The following NT5DC1 variants were observed in gnomAD, a reference collection of about 807,000 sequenced individuals.
NT5DC1 encodes 5'-nucleotidase domain-containing protein 1.
A neutral mutation model predicts 59.4 loss-of-function variants in NT5DC1; 42 were observed. The ratio of observed to expected loss-of-function variants is 0.71; its 90% CI spans 0.55 to 0.92. The LOEUF is 0.92. NT5DC1 is among the 40% of genes least tolerant of loss of function. The pLI is 0.00. For synonymous variants in NT5DC1, 172 were observed against 188.1 expected (o/e 0.91, Z 0.70); for missense variants, 501 against 537.1 (o/e 0.93, Z 0.66).
chr6:116,128,769 G>A (rs1254050081), intron 6 of NT5DC1, among the ~76,000 whole-genome samples: 1 of 152,078 alleles, frequency 6.6e-6, no homozygotes, highest in Non-Finnish European at 1.5e-5. Flanking sequence ...TTAAAATAGT[G>A]GTGGTTCAAA....
chr6:116,149,997 A>G (rs1047393828), intron 6 of NT5DC1, among the ~76,000 whole-genome samples: 2 of 152,164 alleles, frequency 1.3e-5, no homozygotes, highest in Non-Finnish European at 2.9e-5. Flanking sequence ...TCCCTTTGAC[A>G]TCTGCCCCCC....
At chr6:116,161,720 G>A (rs917248545) in intron 6 of NT5DC1, among the ~76,000 whole-genome samples, 8 of 152,040 alleles carry the variant, frequency 5.3e-5, no homozygotes, top group African/African-American at 1.9e-4. Flanking sequence ...GGCTCTTATG[G>A]GTTCCATATG....
At chr6:116,184,078 A>G (rs1391396547) in intron 6 of NT5DC1, among the ~76,000 whole-genome samples, 2 of 151,998 alleles carry the variant, frequency 1.3e-5, no homozygotes, top group East Asian at 1.9e-4. Context: ...TGTCCCTTCT[A>G]TGGCAGTTTT....
chr6:116,106,969 T>C (rs1778779292), intron 2 of NT5DC1, among the ~76,000 whole-genome samples: 2 of 152,040 alleles, frequency 1.3e-5, no homozygotes, highest in African/African-American at 4.8e-5. Context: ...GGTGGGCAGA[T>C]TGCTTGAGTC....
chr6:116,139,374 C>T (rs558667018), intron 6 of NT5DC1, among the ~76,000 whole-genome samples: 4 of 152,090 alleles, frequency 2.6e-5, no homozygotes, highest in Admixed American at 2.0e-4. Flanking sequence ...TTGAATAATA[C>T]AGTCTAAAGC....
intron 6 of NT5DC1, among the ~76,000 whole-genome samples, chr6:116,177,783 G>A (rs1368322442): frequency 2.6e-5 from 4 of 152,024 alleles, no homozygotes; most frequent in Non-Finnish European, 4.4e-5. Context: ...TTATAACCAC[G>A]TGAAAGGGCA....
chr6:116,120,082 A>AAT, intron 6 of NT5DC1: 1 of 1,613,714 alleles, frequency 6.2e-7, no homozygotes, highest in Non-Finnish European at 8.5e-7. Context: ...CTCACATTGG[A>AAT]GCCACTAGGA....
At chr6:116,225,837 A>G (rs1184404915) in intron 8 of NT5DC1, among the ~76,000 whole-genome samples, 1 of 152,240 alleles carries the variant, frequency 6.6e-6, no homozygotes, top group Non-Finnish European at 1.5e-5. Context: ...TGTGCTGATG[A>G]GAATGATCTG....
At chr6:116,190,377 A>G (rs1349679078) in intron 6 of NT5DC1, among the ~76,000 whole-genome samples, 2 of 152,028 alleles carry the variant, frequency 1.3e-5, no homozygotes, top group Non-Finnish European at 2.9e-5. Context: ...AAAGAGCAAA[A>G]TAAGTTGTTT....
chr6:116,102,881 T>G (rs1192491370), intron 1 of NT5DC1, among the ~76,000 whole-genome samples: 2 of 152,244 alleles, frequency 1.3e-5, no homozygotes, highest in African/African-American at 2.4e-5. Flanking sequence ...TGGGTCTTGC[T>G]TCACGCTGCC....
chr6:116,196,506 A>G (rs1338877840), intron 6 of NT5DC1, among the ~76,000 whole-genome samples: 2 of 152,030 alleles, frequency 1.3e-5, no homozygotes, highest in African/African-American at 4.8e-5. Flanking sequence ...TCTCTTTGCC[A>G]TTTGGTTTTT....
intron 6 of NT5DC1, among the ~76,000 whole-genome samples, chr6:116,130,719 A>G (rs1303699981): frequency 6.6e-6 from 1 of 152,090 alleles, no homozygotes; most frequent in Non-Finnish European, 1.5e-5. Flanking sequence ...ATTCAGGACC[A>G]CAGGTGTTTA....
At chr6:116,134,931 G>A (rs995950125) in intron 6 of NT5DC1, among the ~76,000 whole-genome samples, 5 of 152,160 alleles carry the variant, frequency 3.3e-5, no homozygotes, top group African/African-American at 1.2e-4. Context: ...AATCTTGGGA[G>A]TTTAGAGAGA....
At chr6:116,141,568 AT>A (rs1357499350) in intron 6 of NT5DC1, among the ~76,000 whole-genome samples, 8 of 151,822 alleles carry the variant, frequency 5.3e-5, no homozygotes, top group African/African-American at 1.2e-4. Context: ...TGTTTCATTA[AT>A]TTTTTTTGAT....
At chr6:116,172,701 A>G (rs1780639385) in intron 6 of NT5DC1, among the ~76,000 whole-genome samples, 1 of 152,216 alleles carries the variant, frequency 6.6e-6, no homozygotes, top group African/African-American at 2.4e-5. Context: ...ATTTAATTAC[A>G]TAAGAAAAGA....
chr6:116,219,013 G>A (rs1003423533), intron 6 of NT5DC1, among the ~76,000 whole-genome samples: 2 of 152,162 alleles, frequency 1.3e-5, no homozygotes, highest in African/African-American at 4.8e-5. Flanking sequence ...GTGGTGGCCA[G>A]GCACAGTGGC....
At chr6:116,216,196 A>G (rs1396096007) in intron 6 of NT5DC1, among the ~76,000 whole-genome samples, 3 of 152,202 alleles carry the variant, frequency 2.0e-5, no homozygotes, top group Non-Finnish European at 4.4e-5. Context: ...CCTAACATGT[A>G]CAAGGCTATA....
intron 6 of NT5DC1, among the ~76,000 whole-genome samples, chr6:116,189,335 C>T (rs1454034143): frequency 6.6e-6 from 1 of 151,682 alleles, no homozygotes; most frequent in Non-Finnish European, 1.5e-5. Flanking sequence ...GCTCACAACC[C>T]GATTTGAGAC....
chr6:116,229,597 T>C (rs1055332477), intron 8 of NT5DC1, among the ~76,000 whole-genome samples: 1 of 152,156 alleles, frequency 6.6e-6, no homozygotes, highest in Non-Finnish European at 1.5e-5. Context: ...CTGTTCTCTA[T>C]CACGTGCAGT....
Sources: allele counts gnomAD v4.1 joint callset (sites outside exome capture counted in the v4.1 genomes callset), GRCh38; gene constraint gnomAD v4.1.1; transcripts MANE v1.5; gene names NCBI Gene and HGNC (gene_info 2026-07-23, HGNC 2026-07-21).